Variants in PCDH7 observed in about 807,000 individuals in gnomAD.
The protein encoded by PCDH7 is protocadherin 7, also known as protocadherin-7.
PCDH7 carries 17 observed loss-of-function variants against 58.9 expected under a neutral mutation model. That is an observed-to-expected ratio of 0.29 (90% CI 0.20 to 0.43). PCDH7 has a LOEUF of 0.43. Ranked by LOEUF, PCDH7 falls within the 20% of genes least tolerant of loss-of-function variation. The probability of loss-of-function intolerance (pLI) is 1.00; values close to 1 mark genes in which losing one functional copy is unlikely to be tolerated. For missense variants in PCDH7, 1,274 were observed against 1,441.0 expected (o/e 0.88, Z 1.88); for synonymous variants, 664 against 616.4 (o/e 1.08, Z -1.14).
intron 3 of PCDH7, among the ~76,000 whole-genome samples, chr4:30,953,070 G>T (rs1747522377): frequency 6.6e-6 from 1 of 152,060 alleles, no homozygotes; most frequent in African/African-American, 2.4e-5. Flanking sequence ...AGAGATTAAT[G>T]GTTAACAAAT....
At chr4:30,737,549 T>C (rs1716477557), downstream of PCDH7, among the ~76,000 whole-genome samples, 1 of 152,156 alleles carries the variant, frequency 6.6e-6, no homozygotes, top group Non-Finnish European at 1.5e-5. Flanking sequence ...TGTGTGTGTG[T>C]GTGTGTATGT....
chr4:31,088,785 T>C (rs566832355), intron 3 of PCDH7, among the ~76,000 whole-genome samples: 1 of 152,232 alleles, frequency 6.6e-6, no homozygotes, highest in South Asian at 2.1e-4. Flanking sequence ...TTTAATGTAA[T>C]CAAATTATGA....
chr4:30,867,159 G>A (rs1472211500), intron 1 of PCDH7, among the ~76,000 whole-genome samples: 1 of 152,034 alleles, frequency 6.6e-6, no homozygotes, highest in Non-Finnish European at 1.5e-5. Flanking sequence ...AGCTCTCTGT[G>A]ACTTCCCAGA....
At chr4:31,046,930 T>G (rs556953551) in intron 3 of PCDH7, among the ~76,000 whole-genome samples, 2 of 152,168 alleles carry the variant, frequency 1.3e-5, no homozygotes, top group East Asian at 1.9e-4. Context: ...AAAGAGGGAT[T>G]GTTTATTTAA....
At chr4:30,804,838 C>T (rs950406743) in intron 1 of PCDH7, among the ~76,000 whole-genome samples, 2 of 152,126 alleles carry the variant, frequency 1.3e-5, no homozygotes, top group African/African-American at 2.4e-5. Context: ...TCCAGTGATA[C>T]CCCCTTATTT....
In PCDH7 at chr4:30,722,511, G is replaced by C. The variant is rs1577525778; in HGVS notation, c.1089G>C (p.Thr363=). The change falls in exon 1 of 2, where the codon ACG becomes ACC. Residue 363 remains threonine (T), a synonymous_variant. Coordinates refer to ENST00000361762, the Ensembl canonical transcript of PCDH7. This position sits in a 1 kb window ranked among gnomAD's most constrained non-coding sequence, Gnocchi z 7.6. Reference sequence around the variant, plus strand: ...GGCGGCTGCTGCGCCTTGACGAGACGTCCGGCTGGCTCAGCGTCCTGCACC... The same window carrying C: ...GGCGGCTGCTGCGCCTTGACGAGACCTCCGGCTGGCTCAGCGTCCTGCACC... 1 of 1,610,194 alleles carries C rather than the reference G, an allele frequency of 6.2e-7. No individual in the cohort carries two copies. Among genetic ancestry groups the C allele is most frequent in the South Asian group, 1.1e-5 (1 of 90,926 alleles).
intron 3 of PCDH7, among the ~76,000 whole-genome samples, chr4:31,087,703 G>A (rs181706726): frequency 5.2e-4 from 79 of 152,114 alleles, no homozygotes; most frequent in African/African-American, 1.9e-3. Context: ...CAATATGAAG[G>A]GAACTAAAAT....
chr4:30,857,085 A>G (rs1368634812), intron 1 of PCDH7, among the ~76,000 whole-genome samples: 1 of 152,134 alleles, frequency 6.6e-6, no homozygotes, highest in Non-Finnish European at 1.5e-5. Context: ...TGATATTTGA[A>G]TGAAATCTTT....
intron 3 of PCDH7, among the ~76,000 whole-genome samples, chr4:30,972,797 C>T (rs28414392): frequency 0.015 from 2,335 of 152,236 alleles, 51 homozygotes; most frequent in African/African-American, 0.052. Context: ...GTACCCCACC[C>T]CACTCTACCA....
chr4:30,862,557 G>A (rs1734337610), intron 1 of PCDH7, among the ~76,000 whole-genome samples: 2 of 152,168 alleles, frequency 1.3e-5, no homozygotes, highest in African/African-American at 2.4e-5. Context: ...CATTTAAGAA[G>A]TGATAACATA....
At chr4:30,877,498 A>G (rs1310654339) in intron 1 of PCDH7, among the ~76,000 whole-genome samples, 2 of 152,178 alleles carry the variant, frequency 1.3e-5, no homozygotes, top group Non-Finnish European at 2.9e-5. Flanking sequence ...TAAAAATAAA[A>G]TAAAATACGG....
chr4:30,949,854 G>A (rs1369253384), intron 2 of PCDH7, among the ~76,000 whole-genome samples: 1 of 151,736 alleles, frequency 6.6e-6, no homozygotes, highest in African/African-American at 2.4e-5. Context: ...GTTAAAAAAT[G>A]AGGATAAAAT....
chr4:31,140,160 T>TA (rs1414928797), intron 3 of PCDH7, among the ~76,000 whole-genome samples: 3 of 152,178 alleles, frequency 2.0e-5, no homozygotes, highest in Non-Finnish European at 4.4e-5. Flanking sequence ...GTACACAAGT[T>TA]AAAAAGTAAG....
intron 3 of PCDH7, among the ~76,000 whole-genome samples, chr4:31,127,403 G>A (rs928447462): frequency 6.6e-6 from 1 of 152,096 alleles, no homozygotes; most frequent in Non-Finnish European, 1.5e-5. Flanking sequence ...TTAATACTTA[G>A]GCATTAGACC....
intron 3 of PCDH7, among the ~76,000 whole-genome samples, chr4:31,139,014 AAG>A (rs563294488): frequency 4.8e-4 from 73 of 152,114 alleles, no homozygotes; most frequent in African/African-American, 1.5e-3. Context: ...CTCTACTTTC[AAG>A]AGAGATATTA....
At chr4:30,793,179 C>A (rs1427919743) in intron 1 of PCDH7, among the ~76,000 whole-genome samples, 1 of 151,998 alleles carries the variant, frequency 6.6e-6, no homozygotes, top group Non-Finnish European at 1.5e-5. Context: ...TCCAATTAGT[C>A]CTACCTTAAG....
At chr4:31,072,732 G>T (rs1406215163) in intron 3 of PCDH7, among the ~76,000 whole-genome samples, 1 of 152,068 alleles carries the variant, frequency 6.6e-6, no homozygotes, top group Non-Finnish European at 1.5e-5. Flanking sequence ...TATAAGAATG[G>T]AATGATGGCT....
At chr4:30,940,093 A>AAAAC (rs1368809588) in intron 2 of PCDH7, among the ~76,000 whole-genome samples, 3 of 151,992 alleles carry the variant, frequency 2.0e-5, no homozygotes, top group Non-Finnish European at 4.4e-5. Context: ...GGTAGGCAAA[A>AAAAC]AAACAAACAA....
At chr4:30,816,159 G>A (rs574949922) in intron 1 of PCDH7, among the ~76,000 whole-genome samples, 1 of 151,966 alleles carries the variant, frequency 6.6e-6, no homozygotes, top group African/African-American at 2.4e-5. Flanking sequence ...GTAAATGTAG[G>A]TAATATATCT....
Sources: allele counts gnomAD v4.1 joint callset (sites outside exome capture counted in the v4.1 genomes callset), GRCh38; gene constraint gnomAD v4.1.1; non-coding constraint Gnocchi (gnomAD v3.1); transcripts MANE v1.5; gene names NCBI Gene and HGNC (gene_info 2026-07-23, HGNC 2026-07-21).